Variants in CTSD observed in about 807,000 individuals in gnomAD.
The protein encoded by CTSD is cathepsin D, also known as ceroid-lipofuscinosis, neuronal 10.
In CTSD, 28 loss-of-function variants were observed where a neutral mutation model predicts 43.6. The observed-to-expected ratio is 0.64, with a 90% CI of 0.48 to 0.88. CTSD has a LOEUF of 0.88. Among genes scored for constraint, CTSD ranks in the 40% least tolerant of loss-of-function variants. The pLI is 0.00. For missense variants in CTSD, 485 were observed against 555.2 expected (o/e 0.87, Z 1.27); for synonymous variants, 270 against 249.8 (o/e 1.08, Z -0.76).
Position 1,754,185 on chromosome 11 carries a change from C to T in CTSD, c.828-47G>A, listed in dbSNP as rs1321871263. ...AGCCCCTGCCGGGACTGGAGTGTGC[C>T]CTGGGGGCCCAGTGCCCCTCCCTGG... On this transcript the variant is annotated intron_variant, in intron 6 of 8. Coordinates refer to ENST00000236671, the MANE Select transcript of CTSD (RefSeq NM_001909.5). The T allele has an allele frequency of 1.9e-6, 3 of 1,587,260 alleles. No homozygotes were observed. In the South Asian group the frequency reaches 3.4e-5, roughly 18 times the overall value.
chr11:1,761,359 G>A lies in CTSD; in HGVS notation c.178C>T (p.Pro60Ser), dbSNP rs1369280491. 2 of 1,613,808 alleles carry A rather than the reference G, an allele frequency of 1.2e-6. No homozygotes were observed. Among genetic ancestry groups the A allele is most frequent in the East Asian group, 2.2e-5 (1 of 44,874 alleles). ...GPVSKYSQAV[P>S]AVTEGPIPEV... Reference sequence around the variant, plus strand: ...GGAATGGGCCCCTCGGTCACGGCTGGCACCGCCTGGGAGTACTTTGAGACG... The same window carrying A: ...GGAATGGGCCCCTCGGTCACGGCTGACACCGCCTGGGAGTACTTTGAGACG... Residue 60 changes from proline to serine, a missense_variant, in exon 2 of 9, where the codon CCA becomes TCA. Pro to Ser is a moderately conservative substitution (Grantham distance 74). Transcript: ENST00000236671.
intron 5 of CTSD, chr11:1,755,406 TC>T (rs1565020112): frequency 2.9e-6 from 1 of 350,452 alleles, no homozygotes; most frequent in Non-Finnish European, 5.6e-6. Flanking sequence ...AAAGAAGGCT[TC>T]CAGGAGGGAG....
At chr11:1,754,602 A>T (rs557785468) in intron 6 of CTSD, among the ~76,000 whole-genome samples, 46 of 69,892 alleles carry the variant, frequency 6.6e-4, no homozygotes, top group South Asian at 1.5e-3. Flanking sequence ...CAGAGGGATG[A>T]GGGGATGGAG....
intron 5 of CTSD, 78 bp downstream of exon 5, chr11:1,757,246 G>T: frequency 8.5e-7 from 1 of 1,174,546 alleles, no homozygotes; most frequent in Non-Finnish European, 1.2e-6. Context: ...GCACTGAGAG[G>T]GGGTGCCTAG....
At chr11:1,753,772 T>C in intron 8 of CTSD, 31 bp downstream of exon 8, 1 of 1,608,344 alleles carries the variant, frequency 6.2e-7, no homozygotes, top group Non-Finnish European at 8.5e-7. Context: ...CCCGCTCACC[T>C]GGGGCGTGCG....
Position 1,755,213 on chromosome 11 carries a change from G to A in CTSD, c.705-185C>T, listed in dbSNP as rs1167704268. 5.6e-6 allele frequency: 4 copies of A among 718,704 alleles called. No individual in the cohort carries two copies. The Admixed American group carries it at 6.3e-5, about 11-fold the overall frequency. The allele number at this position is 718,704 out of a possible 1,614,324, so 44.5% of individuals were successfully genotyped here. A position where few individuals can be genotyped will look rare whatever the true frequency, so the allele number is the denominator to read the frequency against. On this transcript the variant is annotated intron_variant, in intron 5 of 8. Coordinates refer to ENST00000236671, the MANE Select transcript of CTSD (RefSeq NM_001909.5). Reference sequence around the variant, plus strand: ...GACAGACTCCCTTCTTCCCGGGGTAGGGCTGCTCTGCGTGGGCCCAGCCTG... The same window carrying A: ...GACAGACTCCCTTCTTCCCGGGGTAAGGCTGCTCTGCGTGGGCCCAGCCTG...
chr11:1,763,448 G>GA (rs1845907919), intron 1 of CTSD: 1 of 320,606 alleles, frequency 3.1e-6, no homozygotes, highest in Non-Finnish European at 5.8e-6. Context: ...GCTCAGTACA[G>GA]ACCCCAATTC....
At chr11:1,758,793 T>C (rs1024804305) in intron 4 of CTSD, among the ~76,000 whole-genome samples, 176 bp downstream of exon 4, 1 of 152,088 alleles carries the variant, frequency 6.6e-6, no homozygotes, top group African/African-American at 2.4e-5. Context: ...CCCTCCAGCC[T>C]GCACACAACC....
rs1415852361 is a variant in CTSD, at chr11:1,754,399, G to GC, written c.828-262_828-261insG. On this transcript the variant is annotated intron_variant, in intron 6 of 8. Transcript: ENST00000236671. ...TGGAGGGGCATAGAGGGATGGAGGG[G>GC]ATGGAGGGGATGAAGGGATGGAGGG... 36 of 544,398 alleles carry GC rather than the reference G, an allele frequency of 6.6e-5. 1 individual carries two copies. In the South Asian group the frequency reaches 7.0e-4, roughly 11 times the overall value. 33.7% of individuals were successfully genotyped at this position (544,398 alleles called of 1,614,324 possible). A position where few individuals can be genotyped will look rare whatever the true frequency, so the allele number is the denominator to read the frequency against.
intron 3 of CTSD, 37 bp downstream of exon 3, chr11:1,759,479 C>G (rs768019849): frequency 5.6e-6 from 9 of 1,611,810 alleles, no homozygotes; most frequent in Non-Finnish European, 6.8e-6. Context: ...CCCGGAAGGG[C>G]AGGACCTGGG....
At chr11:1,755,394 C>A (rs564679642) in intron 5 of CTSD, 51 of 359,874 alleles carry the variant, frequency 1.4e-4, no homozygotes, top group South Asian at 1.1e-3. Flanking sequence ...GAAGAAAAAA[C>A]CAAAGAAGGC....
At position 1,761,360 on chromosome 11, in the gene CTSD, C is replaced by T. The variant is rs769030892; in HGVS notation, c.177G>A (p.Val59=). Residue 59 remains valine (V), a synonymous_variant, in exon 2 of 9, where the codon GTG becomes GTA. Transcript: ENST00000236671. The part of the protein sequence containing the change: ...KGPVSKYSQA[V]PAVTEGPIPE... ...GAATGGGCCCCTCGGTCACGGCTGG[C>T]ACCGCCTGGGAGTACTTTGAGACGG... 5 of 1,613,680 alleles carry T rather than the reference C, an allele frequency of 3.1e-6. No individual in the cohort carries two copies. The highest frequency in any genetic ancestry group is 4.2e-6 in the Non-Finnish European group (5 of 1,180,016).
At chr11:1,759,991 G>C (rs1845855465) in intron 2 of CTSD, among the ~76,000 whole-genome samples, 1 of 152,228 alleles carries the variant, frequency 6.6e-6, no homozygotes, top group African/African-American at 2.4e-5. Context: ...TGAGCCCCGG[G>C]TGCAGGAAAG....
Position 1,757,327 on chromosome 11 carries a change from C to A in CTSD, c.701G>T (p.Ser234Ile). 1 of 1,613,350 alleles carries A rather than the reference C, an allele frequency of 6.2e-7. No individual in the cohort carries two copies. The highest frequency in any genetic ancestry group is 8.5e-7 in the Non-Finnish European group (1 of 1,179,620). The change falls in exon 5 of 9, where the codon AGC becomes ATC. Residue 234 changes from serine to isoleucine, a missense_variant. Ser to Ile is a moderately radical substitution (Grantham distance 142). Coordinates refer to ENST00000236671, the MANE Select transcript of CTSD (RefSeq NM_001909.5). ...VDQNIFSFYL[S>I]RDPDAQPGGE... The stretch of plus-strand genomic sequence containing the variant: ...GAGAGGGAACCCACACGCCCACCTG[C>A]TCAGGTAGAAGGAGAAGATGTTCTG...
chr11:1,760,893 G>C (rs574211453), intron 2 of CTSD: 2 of 280,980 alleles, frequency 7.1e-6, no homozygotes, highest in African/African-American at 4.4e-5. Flanking sequence ...CCCCCTGAAG[G>C]AGTAGTGGGC....
At chr11:1,760,122 C>T (rs923746349) in intron 2 of CTSD, among the ~76,000 whole-genome samples, 10 of 152,212 alleles carry the variant, frequency 6.6e-5, no homozygotes, top group African/African-American at 2.2e-4. Context: ...CTGCCCTGCC[C>T]TCCAGGGTGA....
Position 1,758,953 on chromosome 11 carries a change from C to A in CTSD, c.471+16G>T. ...TGGCACCCTCGAGTCCTGGGAAAGGCCCCAGAGGGACTCACCGACACAGTG... is the reference window on the plus strand; with the variant it reads ...TGGCACCCTCGAGTCCTGGGAAAGGACCCAGAGGGACTCACCGACACAGTG... On this transcript the variant is annotated intron_variant, in intron 4 of 8. Coordinates refer to ENST00000236671, the MANE Select transcript of CTSD (RefSeq NM_001909.5). The A allele has an allele frequency of 6.4e-7, 1 of 1,556,192 alleles. No individual in the cohort carries two copies. The highest frequency in any genetic ancestry group is 8.9e-7 in the Non-Finnish European group (1 of 1,127,530).
At chr11:1,754,804 C>T in intron 6 of CTSD, 102 bp downstream of exon 6, 1 of 1,522,370 alleles carries the variant, frequency 6.6e-7, no homozygotes, top group Admixed American at 1.7e-5. Context: ...TCCCACTACT[C>T]CCCACATGCA....
chr11:1,755,783 T>G (rs1845801793), intron 5 of CTSD, among the ~76,000 whole-genome samples: 1 of 152,168 alleles, frequency 6.6e-6, no homozygotes, highest in African/African-American at 2.4e-5. Context: ...GTGCCAGGCC[T>G]GACCCAGTCC....
Sources: allele counts gnomAD v4.1 joint callset (sites outside exome capture counted in the v4.1 genomes callset), GRCh38; gene constraint gnomAD v4.1.1; transcripts MANE v1.5; gene names NCBI Gene and HGNC (gene_info 2026-07-23, HGNC 2026-07-21).